Variants in PARD3 observed in about 807,000 individuals in gnomAD.
The protein encoded by PARD3 is par-3 family cell polarity regulator, also known as partitioning defective 3 homolog.
Under a neutral mutation model 155.4 loss-of-function variants are expected in PARD3, and 75 were observed. That is an observed-to-expected ratio of 0.48 (90% CI 0.40 to 0.58). The LOEUF (loss-of-function observed/expected upper bound fraction) is 0.58, where lower values mean the gene tolerates loss of function less well. PARD3 is among the 20% of genes least tolerant of loss of function. The probability of loss-of-function intolerance (pLI) is 0.00; values close to 1 mark genes in which losing one functional copy is unlikely to be tolerated. For synonymous variants in PARD3, 576 were observed against 610.5 expected (o/e 0.94, Z 0.83); for missense variants, 1,642 against 1,721.7 (o/e 0.95, Z 0.82).
chr10:34,630,802 G>GATTTATTT lies in PARD3; in HGVS notation c.222+65508_222+65515dup, dbSNP rs111251881. 8.7e-3 allele frequency among the ~76,000 whole-genome samples: 1,268 copies of GATTTATTT among 146,244 alleles called. 10 individuals carry two copies. Among genetic ancestry groups the GATTTATTT allele is most frequent in the East Asian group, 0.031 (151 of 4,904 alleles). ...ACACACATAGTGATTTCTGTAAACAGATTTATTTATTTATTTATTTATTTA... is the reference window on the plus strand; with the variant it reads ...ACACACATAGTGATTTCTGTAAACAGATTTATTTATTTATTTATTTATTTATTTATTTA... On this transcript the variant is annotated intron_variant, in intron 2 of 24. Transcript: ENST00000374788.
At chr10:34,443,535 A>G (rs1030126473) in intron 5 of PARD3, among the ~76,000 whole-genome samples, 1 of 152,170 alleles carries the variant, frequency 6.6e-6, no homozygotes, top group African/African-American at 2.4e-5. Flanking sequence ...CACATCTTAC[A>G]TGGATGGCGG....
At chr10:34,155,307 G>A (rs753895166) in intron 22 of PARD3, among the ~76,000 whole-genome samples, 1 of 152,140 alleles carries the variant, frequency 6.6e-6, no homozygotes, top group African/African-American at 2.4e-5. Context: ...ATGCAGCCTC[G>A]ACGCTCTTCT....
intron 7 of PARD3, among the ~76,000 whole-genome samples, chr10:34,389,071 C>T (rs1231277594): frequency 6.6e-6 from 1 of 151,872 alleles, no homozygotes; most frequent in Non-Finnish European, 1.5e-5. Flanking sequence ...GGAGCTGAAA[C>T]ATCCCCAAAT....
intron 22 of PARD3, among the ~76,000 whole-genome samples, chr10:34,191,883 C>G (rs1809494044): frequency 6.6e-6 from 1 of 152,148 alleles, no homozygotes. Flanking sequence ...ATGATCAAAA[C>G]TTAATGAATG....
chr10:34,650,236 A>G (rs1442419303), intron 2 of PARD3, among the ~76,000 whole-genome samples: 1 of 152,254 alleles, frequency 6.6e-6, no homozygotes, highest in East Asian at 1.9e-4. Flanking sequence ...AGACGTTTAT[A>G]CAACCACAGC....
intron 7 of PARD3, among the ~76,000 whole-genome samples, chr10:34,396,327 G>A (rs1843340672): frequency 6.6e-6 from 1 of 151,940 alleles, no homozygotes. Context: ...GACAGAGTGA[G>A]ACTCCATCTC....
At chr10:34,663,301 T>C (rs2093371416) in intron 2 of PARD3, among the ~76,000 whole-genome samples, 1 of 151,840 alleles carries the variant, frequency 6.6e-6, no homozygotes, top group South Asian at 2.1e-4. Flanking sequence ...CCATCTCTAC[T>C]AAAAATACAA....
At chr10:34,738,829 G>C (rs1252762508) in intron 1 of PARD3, among the ~76,000 whole-genome samples, 1 of 152,170 alleles carries the variant, frequency 6.6e-6, no homozygotes, top group African/African-American at 2.4e-5. Flanking sequence ...GGGGACAGAA[G>C]GGGTCAAGGG....
intron 3 of PARD3, among the ~76,000 whole-genome samples, chr10:34,495,500 G>A (rs556571411): frequency 4.1e-4 from 62 of 152,270 alleles, no homozygotes; most frequent in Admixed American, 4.6e-4. Context: ...TAGAGCCAGC[G>A]TGCTCCTGAT....
At chr10:34,254,408 CA>C (rs2133762072) in intron 22 of PARD3, among the ~76,000 whole-genome samples, 1 of 145,342 alleles carries the variant, frequency 6.9e-6, no homozygotes, top group South Asian at 2.1e-4. Flanking sequence ...AAAACAAAAA[CA>C]AACAAAAAAA....
At chr10:34,615,050 G>A (rs535557590) in intron 2 of PARD3, among the ~76,000 whole-genome samples, 23 of 152,014 alleles carry the variant, frequency 1.5e-4, no homozygotes, top group South Asian at 8.3e-4. Context: ...GCGTTGTGGC[G>A]GGTGCCTGTA....
At chr10:34,252,225 T>C (rs1246421392) in intron 22 of PARD3, among the ~76,000 whole-genome samples, 2 of 152,124 alleles carry the variant, frequency 1.3e-5, no homozygotes, top group Admixed American at 1.3e-4. Flanking sequence ...TGCTGTGCTT[T>C]GGGGACAGAG....
intron 2 of PARD3, among the ~76,000 whole-genome samples, chr10:34,623,223 A>G (rs2091796754): frequency 6.6e-6 from 1 of 152,206 alleles, no homozygotes; most frequent in African/African-American, 2.4e-5. Context: ...ATACAAGAGA[A>G]GCCCAGGAAC....
intron 2 of PARD3, chr10:34,663,806 A>G (rs2093384243): frequency 6.6e-6 from 1 of 150,500 alleles, no homozygotes; most frequent in Non-Finnish European, 1.5e-5. Context: ...GAATTCTTTA[A>G]AAGAAAAAAA....
chr10:34,589,734 T>G, intron 2 of PARD3, among the ~76,000 whole-genome samples: 1 of 124,050 alleles, frequency 8.1e-6, no homozygotes, highest in Non-Finnish European at 1.6e-5. Context: ...TAATCCTGAA[T>G]TCACAGTTTT....
chr10:34,170,665 G>A (rs927309399), intron 22 of PARD3, among the ~76,000 whole-genome samples: 1 of 152,172 alleles, frequency 6.6e-6, no homozygotes, highest in Non-Finnish European at 1.5e-5. Context: ...AGAGGCAGCT[G>A]ATGCAGGGGG....
At chr10:34,810,705 G>A (rs1294573820) in intron 1 of PARD3, among the ~76,000 whole-genome samples, 1 of 152,198 alleles carries the variant, frequency 6.6e-6, no homozygotes, top group Non-Finnish European at 1.5e-5. Context: ...AAAGTTCCCT[G>A]GGTGTAAAAC....
intron 2 of PARD3, among the ~76,000 whole-genome samples, chr10:34,522,188 G>T (rs912351350): frequency 6.6e-6 from 1 of 152,156 alleles, no homozygotes; most frequent in Non-Finnish European, 1.5e-5. Context: ...GGAGAGCCAC[G>T]CCTGGCTGCG....
chr10:34,604,190 T>A (rs1303577781), intron 2 of PARD3, among the ~76,000 whole-genome samples: 1 of 152,036 alleles, frequency 6.6e-6, no homozygotes, highest in Non-Finnish European at 1.5e-5. Context: ...AAACTGGGTA[T>A]GAGATGGTTA....
Sources: gnomAD v4.1 joint callset for allele counts (sites outside exome capture counted in the v4.1 genomes callset) on GRCh38, gnomAD v4.1.1 for gene constraint, MANE v1.5 for transcripts, NCBI Gene and HGNC (gene_info 2026-07-23, HGNC 2026-07-21) for gene names.